The following NBEAL1 variants were observed in gnomAD, a reference collection of about 807,000 sequenced individuals.
The protein encoded by NBEAL1 is neurobeachin-like protein 1.
NBEAL1 carries 273 observed loss-of-function variants against 351.3 expected under a neutral mutation model. That is an observed-to-expected ratio of 0.78 (90% CI 0.70 to 0.86). The LOEUF (loss-of-function observed/expected upper bound fraction) is 0.86, where lower values mean the gene tolerates loss of function less well. Ranked by LOEUF, NBEAL1 falls within the 40% of genes least tolerant of loss-of-function variation. NBEAL1 has a pLI of 0.00. For missense variants in NBEAL1, 2,961 were observed against 3,201.3 expected (o/e 0.92, Z 1.81); for synonymous variants, 1,050 against 1,086.4 (o/e 0.97, Z 0.66).
chr2:203,034,065 T>G (rs184711878), intron 2 of NBEAL1, among the ~76,000 whole-genome samples: 23 of 152,314 alleles, frequency 1.5e-4, no homozygotes, highest in Non-Finnish European at 2.4e-4. Flanking sequence ...TCTTTTCTCT[T>G]GAACAATGAG....
chr2:203,142,153 T>C (rs964098730), intron 31 of NBEAL1, among the ~76,000 whole-genome samples: 1 of 152,078 alleles, frequency 6.6e-6, no homozygotes, highest in Non-Finnish European at 1.5e-5. Flanking sequence ...GACTAGGGCA[T>C]CAGTATTTTT....
intron 7 of NBEAL1, among the ~76,000 whole-genome samples, chr2:203,070,726 G>A (rs563876861): frequency 3.9e-5 from 6 of 152,222 alleles, no homozygotes; most frequent in Admixed American, 6.5e-5. Context: ...AAGCTGGGAG[G>A]TGCTATAAAC....
At chr2:203,044,548 A>T (rs1290387849) in intron 3 of NBEAL1, among the ~76,000 whole-genome samples, 1 of 152,168 alleles carries the variant, frequency 6.6e-6, no homozygotes, top group Non-Finnish European at 1.5e-5. Flanking sequence ...ATGTAGACTT[A>T]TATTGCCACT....
intron 27 of NBEAL1, 74 bp from the exon 28 acceptor site, chr2:203,135,602 TA>T (rs2063182051): frequency 1.1e-6 from 1 of 887,688 alleles, no homozygotes; most frequent in African/African-American, 1.7e-5. Context: ...ATCATTAAAA[TA>T]ACTGAAAATA....
chr2:203,197,203 G>T (rs1313547150), intron 47 of NBEAL1, 99 bp from the exon 48 acceptor site: 1 of 632,250 alleles, frequency 1.6e-6, no homozygotes, highest in African/African-American at 1.8e-5. Context: ...GTAAAATGAT[G>T]TATCACAGGA....
intron 10 of NBEAL1, among the ~76,000 whole-genome samples, chr2:203,088,570 GAGTTATATCC>G (rs2062009167): frequency 6.6e-6 from 1 of 152,120 alleles, no homozygotes; most frequent in African/African-American, 2.4e-5. Context: ...AGTAAACATG[GAGTTATATCC>G]TTCTATCTCC....
chr2:203,094,756 G>A (rs1479803014), intron 10 of NBEAL1, among the ~76,000 whole-genome samples: 2 of 151,948 alleles, frequency 1.3e-5, no homozygotes, highest in African/African-American at 4.8e-5. Context: ...CAGTTTTTTT[G>A]TTTTACTAAA....
At chr2:203,186,544 AG>A (rs931189951) in intron 44 of NBEAL1, among the ~76,000 whole-genome samples, 2 of 152,162 alleles carry the variant, frequency 1.3e-5, no homozygotes, top group African/African-American at 4.8e-5. Context: ...GTCTCCCGAG[AG>A]GGGTTCTCAG....
At chr2:203,096,644 A>C (rs191318861) in intron 10 of NBEAL1, among the ~76,000 whole-genome samples, 41 of 152,352 alleles carry the variant, frequency 2.7e-4, no homozygotes, top group African/African-American at 8.4e-4. Context: ...ACAGAATACA[A>C]ATGAATATAA....
At chr2:203,083,599 C>G in intron 9 of NBEAL1, 74 bp downstream of exon 9, 1 of 1,180,692 alleles carries the variant, frequency 8.5e-7, no homozygotes, top group Non-Finnish European at 1.2e-6. Flanking sequence ...TTTTGAAATA[C>G]AAGGCCATTG....
chr2:203,020,503 T>C (rs2060751021), intron 2 of NBEAL1, among the ~76,000 whole-genome samples: 1 of 151,976 alleles, frequency 6.6e-6, no homozygotes, highest in African/African-American at 2.4e-5. Context: ...AGACCCCGTC[T>C]CTACTAAAAA....
intron 50 of NBEAL1, 116 bp downstream of exon 50, chr2:203,201,831 CT>C: frequency 2.6e-6 from 2 of 758,122 alleles, no homozygotes; most frequent in South Asian, 2.8e-5. Context: ...GCTGAGTGAA[CT>C]TTTTTATTGT....
intron 17 of NBEAL1, among the ~76,000 whole-genome samples, chr2:203,114,870 G>A (rs1417958838): frequency 6.7e-6 from 1 of 150,284 alleles, no homozygotes; most frequent in Non-Finnish European, 1.5e-5. Context: ...TTGTGCTTCA[G>A]CCTCCCAAGT....
chr2:203,197,845 G>T (rs1447978339), intron 48 of NBEAL1, among the ~76,000 whole-genome samples: 4 of 152,018 alleles, frequency 2.6e-5, no homozygotes, highest in African/African-American at 9.7e-5. Context: ...GGAGGTGGAG[G>T]TTGCAGTGAG....
At chr2:203,165,993 G>A in intron 36 of NBEAL1, among the ~76,000 whole-genome samples, 156 bp from the exon 37 acceptor site, 1 of 152,108 alleles carries the variant, frequency 6.6e-6, no homozygotes, top group East Asian at 1.9e-4. Context: ...CAGTGATTGA[G>A]CCGACATTGT....
chr2:203,158,410 T>G (rs1292630177), intron 36 of NBEAL1, among the ~76,000 whole-genome samples: 3 of 152,184 alleles, frequency 2.0e-5, no homozygotes, highest in African/African-American at 7.2e-5. Context: ...ACAAATTCTT[T>G]GAAAGATACA....
intron 8 of NBEAL1, among the ~76,000 whole-genome samples, chr2:203,079,652 T>A (rs2061837889): frequency 6.6e-6 from 1 of 152,172 alleles, no homozygotes; most frequent in African/African-American, 2.4e-5. Flanking sequence ...AATATTGTTG[T>A]ACCAAATTAC....
chr2:203,076,230 C>G (rs1271664074), intron 7 of NBEAL1, among the ~76,000 whole-genome samples: 1 of 152,192 alleles, frequency 6.6e-6, no homozygotes, highest in East Asian at 1.9e-4. Flanking sequence ...CCCTTGTACT[C>G]CCAGCACTTC....
In NBEAL1 at chr2:203,197,351, A is replaced by G. The variant is rs1281826921; in HGVS notation, c.7088A>G (p.Gln2363Arg). 3 of 1,605,798 alleles carry G rather than the reference A, an allele frequency of 1.9e-6. No homozygotes were observed. In the South Asian group the frequency reaches 3.3e-5, roughly 18 times the overall value. ...TTAAAGGCCACCATCCCCAAAAATC[A>G]GTATCGTTCTTTTATGTCTCAAGGC... The part of the protein sequence containing the change: ...PLLKATIPKN[Q>R]YRSFMSQGSP... The change falls in exon 48 of 56, where the codon CAG (glutamine) becomes CGG (arginine). Residue 2363 changes from glutamine to arginine, a missense_variant. By Grantham distance (43) the Gln-to-Arg change is conservative. Coordinates refer to ENST00000683969, the MANE Select transcript of NBEAL1 (RefSeq NM_001378026.1).
Sources: allele counts gnomAD v4.1 joint callset (sites outside exome capture counted in the v4.1 genomes callset), GRCh38; gene constraint gnomAD v4.1.1; transcripts MANE v1.5; gene names NCBI Gene and HGNC (gene_info 2026-07-23, HGNC 2026-07-21).